CBR4: variants seen among roughly 807,000 people sequenced by gnomAD.
The protein encoded by CBR4 is 3-oxoacyl-[acyl-carrier-protein] reductase.
CBR4 carries 22 observed loss-of-function variants against 21.0 expected under a neutral mutation model. The observed-to-expected ratio is 1.05, with a 90% CI of 0.75 to 1.50. CBR4 has a LOEUF of 1.50. CBR4 is among the 40% of genes most tolerant of loss of function. The pLI is 0.00. For missense variants in CBR4, 302 were observed against 286.3 expected (o/e 1.05, Z -0.40); for synonymous variants, 100 against 104.4 (o/e 0.96, Z 0.26).
At chr4:168,967,164 T>C (rs1028665616) in intron 2 of CBR4, among the ~76,000 whole-genome samples, 2 of 152,190 alleles carry the variant, frequency 1.3e-5, no homozygotes, top group African/African-American at 4.8e-5. Context: ...CACCATGTAA[T>C]ACTATGCAGC....
chr4:168,986,902 A>G (rs934935690), downstream of CBR4, among the ~76,000 whole-genome samples: 12 of 152,144 alleles, frequency 7.9e-5, no homozygotes, highest in Admixed American at 1.3e-4. Context: ...TGATCATGCC[A>G]CTGCACTCCA....
intron 2 of CBR4, among the ~76,000 whole-genome samples, chr4:168,931,992 C>T (rs974783807): frequency 3.3e-5 from 5 of 151,740 alleles, no homozygotes; most frequent in African/African-American, 9.7e-5. Context: ...GACTGTTCTA[C>T]CAGATGCATA....
At chr4:168,902,327 A>G (rs1273490953) in intron 2 of CBR4, among the ~76,000 whole-genome samples, 1 of 152,202 alleles carries the variant, frequency 6.6e-6, no homozygotes, top group Non-Finnish European at 1.5e-5. Flanking sequence ...GCTGTGGCTT[A>G]AAAAAGGAAA....
intron 2 of CBR4, among the ~76,000 whole-genome samples, chr4:168,935,930 C>T (rs1282083385): frequency 6.6e-6 from 1 of 152,208 alleles, no homozygotes; most frequent in Non-Finnish European, 1.5e-5. Context: ...CAGACTGCCT[C>T]CTCAAGTGGG....
intron 2 of CBR4, among the ~76,000 whole-genome samples, chr4:168,968,411 C>A (rs1426485489): frequency 6.6e-6 from 1 of 152,182 alleles, no homozygotes; most frequent in African/African-American, 2.4e-5. Context: ...TGACAGAGGG[C>A]AGAAGAGTTG....
intron 2 of CBR4, among the ~76,000 whole-genome samples, chr4:168,938,816 C>G (rs1197093480): frequency 6.6e-6 from 1 of 152,006 alleles, no homozygotes; most frequent in Non-Finnish European, 1.5e-5. Context: ...AGCCTAACAA[C>G]CAAAAAAAGT....
At chr4:169,002,314 AC>A in intron 3 of CBR4, 109 bp from the exon 4 acceptor site, 1 of 1,110,792 alleles carries the variant, frequency 9.0e-7, no homozygotes, top group Non-Finnish European at 1.2e-6. Context: ...AACCCACTTC[AC>A]CTTGTCCTTT....
At chr4:168,990,853 G>C (rs962486065) in intron 4 of CBR4, among the ~76,000 whole-genome samples, 2 of 152,034 alleles carry the variant, frequency 1.3e-5, no homozygotes, top group Non-Finnish European at 2.9e-5. Flanking sequence ...AGGAGTTCGA[G>C]ACCAGCCTGC....
intron 2 of CBR4, among the ~76,000 whole-genome samples, chr4:168,951,130 C>T (rs1763528875): frequency 6.6e-6 from 1 of 152,068 alleles, no homozygotes; most frequent in Admixed American, 6.6e-5. Context: ...GCAATCTTGG[C>T]TCACGGCAAC....
chr4:168,922,102 T>TATACACACAC (rs1459158507), intron 2 of CBR4, among the ~76,000 whole-genome samples: 3 of 132,604 alleles, frequency 2.3e-5, no homozygotes, highest in African/African-American at 9.4e-5. Context: ...TATATATATA[T>TATACACACAC]ACACACACAC....
intron 2 of CBR4, among the ~76,000 whole-genome samples, chr4:168,946,897 C>T (rs1162487180): frequency 6.6e-6 from 1 of 152,114 alleles, no homozygotes; most frequent in Admixed American, 6.6e-5. Flanking sequence ...ACAGTGAAGA[C>T]TACTACCCGC....
chr4:169,009,852 GCC>G, intron 1 of CBR4, 94 bp downstream of exon 1: 1 of 1,176,064 alleles, frequency 8.5e-7, no homozygotes, highest in Non-Finnish European at 1.2e-6. Context: ...TAACCCTAGA[GCC>G]CTAAAGGCCA....
chr4:168,978,584 T>G (rs1011575840), intron 2 of CBR4, among the ~76,000 whole-genome samples: 1 of 152,160 alleles, frequency 6.6e-6, no homozygotes, highest in Non-Finnish European at 1.5e-5. Context: ...CATGAACCTT[T>G]GCAATTTCAG....
rs1374756272 is a variant in CBR4 at position 168,989,207 on chromosome 4, C to CT, written c.*942dup. The CT allele has an allele frequency of 2.9e-4, 279 of 970,896 alleles. No individual in the cohort carries two copies. The highest frequency in any genetic ancestry group is 3.1e-4 in the Non-Finnish European group (252 of 816,860). 60.1% of individuals were successfully genotyped at this position (970,896 alleles called of 1,614,324 possible). A position where few individuals can be genotyped will look rare whatever the true frequency, so the allele number is the denominator to read the frequency against. On this transcript the variant is annotated 3_prime_UTR_variant, in exon 5 of 5. Coordinates refer to ENST00000306193, the MANE Select transcript of CBR4 (RefSeq NM_032783.5). ...ATCATAATCACTAATGCAAAATACT[C>CT]TTAATTTTTTAAATGTTGTATTTCT...
intron 2 of CBR4, among the ~76,000 whole-genome samples, chr4:168,979,327 AAAG>A (rs1303434590): frequency 3.9e-5 from 6 of 152,024 alleles, no homozygotes; most frequent in Non-Finnish European, 7.4e-5. Context: ...CTTGGAATGG[AAAG>A]AAGAGCTTAA....
At chr4:168,957,290 A>C (rs1332223634) in intron 2 of CBR4, among the ~76,000 whole-genome samples, 2 of 152,082 alleles carry the variant, frequency 1.3e-5, no homozygotes, top group African/African-American at 4.8e-5. Flanking sequence ...TTCTAATTAA[A>C]AGAGTAAAAA....
chr4:168,931,451 C>T (rs1762966877), intron 2 of CBR4, among the ~76,000 whole-genome samples: 1 of 152,014 alleles, frequency 6.6e-6, no homozygotes, highest in Non-Finnish European at 1.5e-5. Flanking sequence ...GATTAACTTC[C>T]AGTAGACACA....
At chr4:168,979,794 C>T (rs141996154) in intron 2 of CBR4, among the ~76,000 whole-genome samples, 2,045 of 152,234 alleles carry the variant, frequency 0.013, 28 homozygotes, top group South Asian at 0.078. Context: ...TTCCCAGGGG[C>T]GGAGCTCCCA....
chr4:168,990,576 A>G (rs867207731), intron 4 of CBR4, among the ~76,000 whole-genome samples: 1 of 151,944 alleles, frequency 6.6e-6, no homozygotes, highest in South Asian at 2.1e-4. Context: ...AGCTGGGACT[A>G]TAGGCATGCA....
Sources: allele counts gnomAD v4.1 joint callset (sites outside exome capture counted in the v4.1 genomes callset), GRCh38; gene constraint gnomAD v4.1.1; transcripts MANE v1.5; gene names NCBI Gene and HGNC (gene_info 2026-07-23, HGNC 2026-07-21).